PLIN3: variants seen among roughly 807,000 people sequenced by gnomAD.
The protein encoded by PLIN3 is perilipin 3.
In PLIN3, 30 loss-of-function variants were observed where a neutral mutation model predicts 35.9. The observed-to-expected ratio is 0.84, with a 90% confidence interval of 0.62 to 1.13. The LOEUF (loss-of-function observed/expected upper bound fraction) is 1.13, where lower values mean the gene tolerates loss of function less well. Among genes scored for constraint, PLIN3 ranks in the 50% most tolerant of loss-of-function variants. The probability of loss-of-function intolerance (pLI) is 0.00; values close to 1 mark genes in which losing one functional copy is unlikely to be tolerated. For synonymous variants in PLIN3, 261 were observed against 262.5 expected (o/e 0.99, Z 0.06); for missense variants, 603 against 596.9 (o/e 1.01, Z -0.11).
intron 7 of PLIN3, 131 bp downstream of exon 7, chr19:4,844,537 G>C: frequency 1.0e-6 from 1 of 965,906 alleles, no homozygotes; most frequent in Non-Finnish European, 1.5e-6. Context: ...TGAAGGAGGT[G>C]TCATTAGCTT....
At chr19:4,858,441 G>A (rs182778829) in intron 4 of PLIN3, among the ~76,000 whole-genome samples, 6 of 151,198 alleles carry the variant, frequency 4.0e-5, no homozygotes, top group Admixed American at 1.3e-4. Context: ...GTAGTGGCGC[G>A]ATCTCAGCTC....
intron 1 of PLIN3, among the ~76,000 whole-genome samples, chr19:4,863,402 C>CAGG (rs2030738600): frequency 6.7e-6 from 1 of 148,476 alleles, no homozygotes; most frequent in South Asian, 2.1e-4. Flanking sequence ...GAGGCTGAGG[C>CAGG]AGGAGAGTTA....
At chr19:4,863,115 C>A (rs1029821196) in intron 1 of PLIN3, among the ~76,000 whole-genome samples, 1 of 151,968 alleles carries the variant, frequency 6.6e-6, no homozygotes, top group Non-Finnish European at 1.5e-5. Flanking sequence ...TGAGATCGCG[C>A]CACTGCACTC....
At position 4,861,424 on chromosome 19, in the gene PLIN3, G is replaced by A; in HGVS notation, c.-17-13C>T. Reference sequence around the variant, plus strand: ...TCTGCAGCAGACGCTGAGGAGAGAGGAACAGTCAGGTACAGCCTGCCTGGC... The same window carrying A: ...TCTGCAGCAGACGCTGAGGAGAGAGAAACAGTCAGGTACAGCCTGCCTGGC... On this transcript the variant is annotated splice_polypyrimidine_tract_variant and intron_variant, in intron 1 of 7. Transcript: ENST00000221957. 1 of 1,595,764 alleles carries A rather than the reference G, an allele frequency of 6.3e-7. No individual in the cohort carries two copies. Among genetic ancestry groups the A allele is most frequent in the East Asian group, 2.2e-5 (1 of 44,816 alleles).
chr19:4,863,356 G>A (rs558545822), intron 1 of PLIN3, among the ~76,000 whole-genome samples: 5 of 151,198 alleles, frequency 3.3e-5, no homozygotes, highest in African/African-American at 9.7e-5. Context: ...AATTAGCCAG[G>A]CATGGTGGCG....
intron 7 of PLIN3, among the ~76,000 whole-genome samples, chr19:4,843,474 C>G (rs1166047687): frequency 1.3e-5 from 2 of 150,868 alleles, no homozygotes; most frequent in African/African-American, 2.4e-5. Flanking sequence ...CACCACTGCA[C>G]TCCAGCCTGG....
chr19:4,856,524 C>T (rs2030481534), intron 4 of PLIN3, among the ~76,000 whole-genome samples: 1 of 151,682 alleles, frequency 6.6e-6, no homozygotes, highest in African/African-American at 2.4e-5. Flanking sequence ...CACCATTGCA[C>T]TCCAGCCTGG....
At chr19:4,864,430 G>A in intron 1 of PLIN3, among the ~76,000 whole-genome samples, 1 of 151,220 alleles carries the variant, frequency 6.6e-6, no homozygotes, top group East Asian at 1.9e-4. Context: ...ATTACAGGAT[G>A]AGTCACTGCA....
Position 4,852,015 on chromosome 19 carries a change from C to G in PLIN3, c.634+1G>C, listed in dbSNP as rs112913041. On this transcript the variant is annotated splice_donor_variant, in intron 5 of 7. Coordinates refer to ENST00000221957, the MANE Select transcript of PLIN3 (RefSeq NM_005817.5). LOFTEE classifies it high-confidence loss of function. Reference sequence around the variant, plus strand: ...CAGAGCAGCCCGCTGGCCACACTTACCCAGTTCGGCATCCGTAAGGGGCAG... The same window carrying G: ...CAGAGCAGCCCGCTGGCCACACTTAGCCAGTTCGGCATCCGTAAGGGGCAG... The G allele has an allele frequency of 1.2e-6, 2 of 1,612,740 alleles. No homozygotes were observed. The highest frequency in any genetic ancestry group is 1.7e-6 in the Non-Finnish European group (2 of 1,179,346).
intron 4 of PLIN3, among the ~76,000 whole-genome samples, chr19:4,854,413 G>GTTT (rs35915790): frequency 7.2e-6 from 1 of 139,838 alleles, no homozygotes; most frequent in Non-Finnish European, 1.6e-5. Context: ...TTTTGTTTTT[G>GTTT]TTTTTTTTTA....
intron 1 of PLIN3, among the ~76,000 whole-genome samples, chr19:4,863,363 G>A (rs1389865034): frequency 6.6e-6 from 1 of 151,264 alleles, no homozygotes; most frequent in Non-Finnish European, 1.5e-5. Flanking sequence ...CAGGCATGGT[G>A]GCGAATGCCT....
chr19:4,847,629 G>T, intron 6 of PLIN3, 62 bp downstream of exon 6: 1 of 1,396,866 alleles, frequency 7.2e-7, no homozygotes, highest in Non-Finnish European at 9.9e-7. Flanking sequence ...CTGAGCTCTG[G>T]GTGGGTGTCT....
intron 6 of PLIN3, among the ~76,000 whole-genome samples, chr19:4,845,939 A>G (rs1012380655): frequency 5.4e-5 from 8 of 147,124 alleles, no homozygotes; most frequent in African/African-American, 1.0e-4. Context: ...AAAAAAAAAA[A>G]AAAGGCCGGG....
chr19:4,866,258 T>C lies in PLIN3; in HGVS notation c.-18+1351A>G, dbSNP rs533751907. Among the ~76,000 whole-genome samples the C allele has an allele frequency of 1.9e-4, 29 of 152,198 alleles. No individual in the cohort carries two copies. The East Asian group carries it at 5.4e-3, about 28-fold the overall frequency. On this transcript the variant is annotated intron_variant, in intron 1 of 7. Transcript: ENST00000221957. ...TTCTCCAACTCCTGACCTCAAATGA[T>C]CCGCCCACCTCAGCCTCCCAAAGTG... is the stretch of plus-strand genomic sequence containing the variant.
intron 6 of PLIN3, among the ~76,000 whole-genome samples, chr19:4,845,448 A>G (rs1392081128): frequency 6.6e-6 from 1 of 151,540 alleles, no homozygotes; most frequent in Non-Finnish European, 1.5e-5. Flanking sequence ...AACAAAAAAC[A>G]AAAAAAAGTG....
At chr19:4,841,927 GAA>G (rs34180755) in intron 7 of PLIN3, among the ~76,000 whole-genome samples, 2 of 118,104 alleles carry the variant, frequency 1.7e-5, no homozygotes, top group African/African-American at 3.2e-5. Flanking sequence ...AAAAAAAAAA[GAA>G]AAAAAAAAGC....
rs1295488637 is a variant in PLIN3, at chr19:4,860,017, A to G, written c.74T>C (p.Val25Ala). 4.3e-6 allele frequency: 7 copies of G among 1,613,880 alleles called. No homozygotes were observed. In the East Asian group the frequency reaches 8.9e-5, roughly 21 times the overall value. The part of the protein sequence containing the change: ...TVEEPVQQPS[V>A]VDRVASMPLI... ...AGGCATGCTGGCCACACGGTCCACC[A>G]CACTGGGCTACAGGAGAGAAGTGGC... is the stretch of plus-strand genomic sequence containing the variant. Residue 25 changes from valine (V) to alanine (A), a missense_variant, in exon 3 of 8, where the codon GTG becomes GCG. By Grantham distance (64) the Val-to-Ala change is moderately conservative. Coordinates refer to ENST00000221957, the MANE Select transcript of PLIN3 (RefSeq NM_005817.5).
chr19:4,839,502 T>A lies in PLIN3; in HGVS notation c.995A>T (p.Asp332Val), dbSNP rs34402881. 401 of 1,540,994 alleles carry A rather than the reference T, an allele frequency of 2.6e-4. 1 individual carries two copies. In the African/African-American group the frequency reaches 5.1e-3, roughly 20 times the overall value. Residue 332 changes from aspartate (D) to valine (V), a missense_variant, in exon 8 of 8, where the codon GAC becomes GTC. By Grantham distance (152) the Asp-to-Val change is radical. Transcript: ENST00000221957. ...GGTGGCCTGCAGTTGCTGGGCAATG[T>A]CCCGGAACATGGTGAGCGCCCGGGA... ...VESRALTMFRDIAQQLQATCT... is the reference protein window; with the variant it reads ...VESRALTMFRVIAQQLQATCT...
rs1255224064 is a variant in PLIN3 at position 4,859,518 on chromosome 19, G to A, written c.348+72C>T. 7 of 1,294,744 alleles carry A rather than the reference G, an allele frequency of 5.4e-6. No individual in the cohort carries two copies. The African/African-American group carries it at 7.3e-5, about 13-fold the overall frequency. The allele number at this position is 1,294,744 out of a possible 1,614,324, so 80.2% of individuals were successfully genotyped here. On this transcript the variant is annotated intron_variant, in intron 4 of 7. Transcript: ENST00000221957. ...GATGCCATCAAGCTTGTCTAGTTAA[G>A]CTGGGACCAGCGCACTCCACACCCA... is the stretch of plus-strand genomic sequence containing the variant.
Sources: allele counts gnomAD v4.1 joint callset (sites outside exome capture counted in the v4.1 genomes callset), GRCh38; gene constraint gnomAD v4.1.1; transcripts MANE v1.5; gene names NCBI Gene and HGNC (gene_info 2026-07-23, HGNC 2026-07-21).